FBXL17: variants seen among roughly 807,000 people sequenced by gnomAD.
FBXL17 encodes F-box and leucine rich repeat protein 17.
Under a neutral mutation model 66.2 loss-of-function variants are expected in FBXL17, and 22 were observed. The ratio of observed to expected loss-of-function variants is 0.33; its 90% CI spans 0.24 to 0.47. FBXL17 has a LOEUF of 0.47. FBXL17 is among the 20% of genes least tolerant of loss of function. FBXL17 has a pLI of 1.00. For missense variants in FBXL17, 878 were observed against 948.2 expected, an observed-to-expected ratio of 0.93 and a Z score of 0.97; for synonymous variants, 474 against 400.5, an observed-to-expected ratio of 1.18 and a Z score of -2.19.
chr5:108,218,099 G>A (rs917746389), intron 5 of FBXL17, among the ~76,000 whole-genome samples: 28 of 143,872 alleles, frequency 1.9e-4, no homozygotes, highest in Non-Finnish European at 3.3e-4. Flanking sequence ...TCCACCTCCC[G>A]GGTTCACGCC....
At chr5:108,231,498 G>A (rs1235399362) in intron 4 of FBXL17, among the ~76,000 whole-genome samples, 1 of 152,138 alleles carries the variant, frequency 6.6e-6, no homozygotes, top group Non-Finnish European at 1.5e-5. Context: ...TGTATCAGGA[G>A]TTGTGGAAGT....
At chr5:107,990,368 C>T (rs953375893) in intron 7 of FBXL17, among the ~76,000 whole-genome samples, 1 of 152,104 alleles carries the variant, frequency 6.6e-6, no homozygotes, top group Non-Finnish European at 1.5e-5. Flanking sequence ...TAGAGTTCTG[C>T]ATTAGCTTTG....
At chr5:107,995,791 G>A (rs757434063) in intron 7 of FBXL17, among the ~76,000 whole-genome samples, 1 of 152,058 alleles carries the variant, frequency 6.6e-6, no homozygotes, top group Non-Finnish European at 1.5e-5. Context: ...AATTAGTTCT[G>A]TGAAACCTAA....
chr5:108,050,892 G>T (rs1034015847), intron 6 of FBXL17, among the ~76,000 whole-genome samples: 1 of 151,904 alleles, frequency 6.6e-6, no homozygotes, highest in African/African-American at 2.4e-5. Context: ...TAGAAAAAAT[G>T]ATATCAGTTG....
intron 1 of FBXL17, among the ~76,000 whole-genome samples, chr5:108,369,180 G>A (rs6896653): frequency 6.6e-6 from 1 of 152,104 alleles, no homozygotes; most frequent in Non-Finnish European, 1.5e-5. Flanking sequence ...GACTAAGGCA[G>A]AAGTGATTAT....
At chr5:108,184,356 G>A (rs2150030070) in intron 6 of FBXL17, among the ~76,000 whole-genome samples, 1 of 152,158 alleles carries the variant, frequency 6.6e-6, no homozygotes, top group South Asian at 2.1e-4. Flanking sequence ...ACCCAGGCTG[G>A]AGTGTAGTGG....
At chr5:108,330,480 C>A (rs926305186) in intron 4 of FBXL17, among the ~76,000 whole-genome samples, 2 of 152,150 alleles carry the variant, frequency 1.3e-5, no homozygotes, top group African/African-American at 4.8e-5. Flanking sequence ...CAAACTACAA[C>A]CCAAAACCTT....
At chr5:108,302,133 A>T (rs1286275526) in intron 4 of FBXL17, 2 of 383,518 alleles carry the variant, frequency 5.2e-6, no homozygotes, top group Non-Finnish European at 7.1e-6. Context: ...GAAAATACAT[A>T]TGTCATCCAA....
At chr5:107,878,928 T>A in intron 8 of FBXL17, 5 of 985,448 alleles carry the variant, frequency 5.1e-6, no homozygotes, top group Non-Finnish European at 6.0e-6. Flanking sequence ...GTTCTCAGAG[T>A]GGCTCTCTGG....
chr5:108,099,295 T>G (rs903213361), intron 6 of FBXL17, among the ~76,000 whole-genome samples: 31 of 152,220 alleles, frequency 2.0e-4, no homozygotes, highest in Non-Finnish European at 4.1e-4. Context: ...GGGGGCAGTA[T>G]TTTGCCTCTA....
intron 7 of FBXL17, among the ~76,000 whole-genome samples, chr5:108,007,793 T>C (rs1015378808): frequency 1.3e-5 from 2 of 152,136 alleles, no homozygotes; most frequent in African/African-American, 4.8e-5. Context: ...AAAGACAGCA[T>C]AACGATAGAA....
intron 4 of FBXL17, among the ~76,000 whole-genome samples, chr5:108,302,866 A>G (rs2150181928): frequency 6.6e-6 from 1 of 151,992 alleles, no homozygotes; most frequent in South Asian, 2.1e-4. Context: ...ATAAAAAAGA[A>G]AAGCCTTATA....
intron 5 of FBXL17, among the ~76,000 whole-genome samples, chr5:108,201,027 A>C (rs536705626): frequency 5.4e-4 from 82 of 152,314 alleles, no homozygotes; most frequent in Non-Finnish European, 7.4e-4. Flanking sequence ...TGAGGTTCCA[A>C]GCTAAAATTT....
At position 108,038,935 on chromosome 5, in the gene FBXL17, C is replaced by T. The variant is rs531987154; in HGVS notation, c.1746-17934G>A. ...ATATTAGAAAGAAAACATGAAACTC[C>T]CAACAGTACACTTAGATGCAGATAA... On this transcript the variant is annotated intron_variant, in intron 6 of 8. Coordinates refer to ENST00000542267, the MANE Select transcript of FBXL17 (RefSeq NM_001163315.3). 7.9e-5 allele frequency among the ~76,000 whole-genome samples: 12 copies of T among 151,990 alleles called. No individual in the cohort carries two copies. The East Asian group carries it at 1.2e-3, about 15-fold the overall frequency.
chr5:108,255,567 G>A (rs767573258), intron 4 of FBXL17, among the ~76,000 whole-genome samples: 6 of 151,962 alleles, frequency 3.9e-5, no homozygotes, highest in Non-Finnish European at 7.4e-5. Context: ...ATTCTTTTGG[G>A]TTCATAATTA....
At chr5:108,316,227 AAAAC>A (rs1226289191) in intron 4 of FBXL17, among the ~76,000 whole-genome samples, 1 of 151,538 alleles carries the variant, frequency 6.6e-6, no homozygotes, top group African/African-American at 2.4e-5. Context: ...AGGAGAAAAA[AAAAC>A]AGTGACAAAC....
chr5:108,335,450 T>C (rs1339652863), intron 4 of FBXL17, among the ~76,000 whole-genome samples: 1 of 152,104 alleles, frequency 6.6e-6, no homozygotes, highest in Non-Finnish European at 1.5e-5. Context: ...AGCATTATAA[T>C]GCATACAAAC....
intron 7 of FBXL17, among the ~76,000 whole-genome samples, chr5:107,919,940 G>A (rs1052768865): frequency 1.3e-5 from 2 of 151,958 alleles, no homozygotes; most frequent in African/African-American, 2.4e-5. Flanking sequence ...CAATTCCTGG[G>A]GTATAGTACT....
chr5:108,317,166 T>C (rs1049626226), intron 4 of FBXL17, among the ~76,000 whole-genome samples: 2 of 151,316 alleles, frequency 1.3e-5, no homozygotes, highest in African/African-American at 4.8e-5. Context: ...TACAAGGTTT[T>C]ATAAAACATG....
Sources: gnomAD v4.1 joint callset for allele counts (sites outside exome capture counted in the v4.1 genomes callset) on GRCh38, gnomAD v4.1.1 for gene constraint, MANE v1.5 for transcripts, NCBI Gene and HGNC (gene_info 2026-07-23, HGNC 2026-07-21) for gene names.